The following OR52I2 variants were observed in gnomAD, a reference collection of about 807,000 sequenced individuals.
OR52I2 encodes olfactory receptor 52I2.
For missense variants in OR52I2, 350 were observed against 402.4 expected (o/e 0.87, Z 1.11); for synonymous variants, 147 against 151.9 (o/e 0.97, Z 0.24).
At chr11:4,591,437 C>A (rs961964894) in exon 2 of OR52I2, 1 of 152,118 alleles carries the variant, frequency 6.6e-6, no homozygotes, top group Non-Finnish European at 1.5e-5. Flanking sequence ...AGAAACAGTT[C>A]TTGAGCGATA....
chr11:4,587,546 C>T (rs1049435001), exon 2 of OR52I2: 4 of 1,614,166 alleles, frequency 2.5e-6, no homozygotes, highest in African/African-American at 1.3e-5. Context: ...GCCTTCATTG[C>T]TGCCTCCTAT....
At chr11:4,588,417 A>G (rs1806931968) in exon 2 of OR52I2, 1 of 157,478 alleles carries the variant, frequency 6.4e-6, no homozygotes, top group Non-Finnish European at 1.4e-5. Context: ...GATGATGCTC[A>G]GGCAGAAGAC....
At chr11:4,590,168 ATATT>A (rs1485356902) in exon 2 of OR52I2, 5 of 152,184 alleles carry the variant, frequency 3.3e-5, no homozygotes, top group Non-Finnish European at 1.5e-5. Context: ...CACATAATAA[ATATT>A]TATCAGGCTA....
At chr11:4,587,270 A>G (rs1324944081) in exon 2 of OR52I2, 27 of 1,613,860 alleles carry the variant, frequency 1.7e-5, no homozygotes, top group East Asian at 2.2e-5. Context: ...TTTGACCGCT[A>G]TGTAGCCATC....
At chr11:4,590,593 G>A (rs984496) in exon 2 of OR52I2, 75,868 of 152,036 alleles carry the variant, frequency 0.5, 19,891 homozygotes, top group South Asian at 0.59. Flanking sequence ...GCCTCTTGAA[G>A]AAAGGTGAAT....
chr11:4,585,185 G>A (rs922069551), intron 1 of OR52I2, among the ~76,000 whole-genome samples: 1 of 152,076 alleles, frequency 6.6e-6, no homozygotes, highest in Admixed American at 6.6e-5. Flanking sequence ...AATACTTTTC[G>A]ACTCTTCGCT....
In OR52I2 at chr11:4,587,682, T is replaced by A; in HGVS notation, c.792T>A (p.Tyr264Ter). Reference sequence around the variant, plus strand: ...ATCTACCTGGGATGGCATCCATCTATGCGGCCTGGTTGGGGCAGGATGTAG... The same window carrying A: ...ATCTACCTGGGATGGCATCCATCTAAGCGGCCTGGTTGGGGCAGGATGTAG... The change falls in exon 2 of 2, where the codon TAT becomes TAA. Residue 264 changes from tyrosine (Y) to a stop codon, truncating the protein, a stop_gained. Coordinates refer to ENST00000641896, the Ensembl canonical transcript of OR52I2. LOFTEE classifies it low-confidence loss of function (END_TRUNC). 1 of 1,614,222 alleles carries A rather than the reference T, an allele frequency of 6.2e-7. No individual in the cohort carries two copies. The highest frequency in any genetic ancestry group is 8.5e-7 in the Non-Finnish European group (1 of 1,180,020).
At chr11:4,585,597 G>A (rs1179678722) in intron 1 of OR52I2, among the ~76,000 whole-genome samples, 1 of 152,188 alleles carries the variant, frequency 6.6e-6, no homozygotes, top group Non-Finnish European at 1.5e-5. Context: ...AATAAACAGA[G>A]ATCAACAAGC....
rs1002157434 is a variant in OR52I2 at position 4,586,730 on chromosome 11, C to T, written c.-19-142C>T. Reference sequence around the variant, plus strand: ...AATATTAAGGAGGATAAAAGTGGTACAGGATAATTTTGTCAGATGCCACAT... The same window carrying T: ...AATATTAAGGAGGATAAAAGTGGTATAGGATAATTTTGTCAGATGCCACAT... On this transcript the variant is annotated intron_variant, in intron 1 of 1. Transcript: ENST00000641896. The T allele has an allele frequency of 5.4e-6, 6 of 1,104,132 alleles. No homozygotes were observed. The African/African-American group carries it at 7.8e-5, about 14-fold the overall frequency. 68.4% of individuals were successfully genotyped at this position (1,104,132 alleles called of 1,614,324 possible).
chr11:4,584,153 G>C (rs1199118871), intron 1 of OR52I2, among the ~76,000 whole-genome samples: 1 of 152,188 alleles, frequency 6.6e-6, no homozygotes, highest in African/African-American at 2.4e-5. Flanking sequence ...GGCACAGGAA[G>C]AAATAGACAA....
intron 1 of OR52I2, among the ~76,000 whole-genome samples, chr11:4,584,260 G>A (rs1346833): frequency 0.86 from 130,399 of 152,160 alleles, 57,348 homozygotes; most frequent in East Asian, 1. Context: ...CTACTGTTAC[G>A]TCAACACAAA....
chr11:4,587,245 C>T (rs1484678111), exon 2 of OR52I2: 1 of 1,614,112 alleles, frequency 6.2e-7, no homozygotes, highest in Admixed American at 1.7e-5. Context: ...GACGGGGCTG[C>T]TGCTGACCAT....
exon 2 of OR52I2, chr11:4,589,011 C>T (rs1846330969): frequency 6.6e-6 from 1 of 152,142 alleles, no homozygotes; most frequent in Non-Finnish European, 1.5e-5. Context: ...TGTTTGTTTT[C>T]CTTTCAGGAT....
At chr11:4,582,898 A>G (rs1472766) in intron 1 of OR52I2, among the ~76,000 whole-genome samples, 2 of 152,298 alleles carry the variant, frequency 1.3e-5, no homozygotes, top group Admixed American at 6.5e-5. Flanking sequence ...GAGCAATAGT[A>G]TGTATATCTT....
At chr11:4,582,662 T>A (rs1846267720) in intron 1 of OR52I2, among the ~76,000 whole-genome samples, 1 of 152,006 alleles carries the variant, frequency 6.6e-6, no homozygotes, top group South Asian at 2.1e-4. Context: ...GCTGAACTCC[T>A]GAGCTCAGAC....
At chr11:4,583,271 T>TA (rs369245971) in intron 1 of OR52I2, among the ~76,000 whole-genome samples, 44 of 150,544 alleles carry the variant, frequency 2.9e-4, no homozygotes, top group Middle Eastern at 6.9e-3. Context: ...AATGAAGAAT[T>TA]AAAAAAAAAC....
chr11:4,585,403 G>A (rs374788824), intron 1 of OR52I2, among the ~76,000 whole-genome samples: 15 of 152,268 alleles, frequency 9.9e-5, no homozygotes, highest in South Asian at 4.1e-4. Flanking sequence ...AAATGTGTCC[G>A]TGACCAAACA....
At chr11:4,592,639 A>G (rs1009214233) in exon 2 of OR52I2, 5 of 152,204 alleles carry the variant, frequency 3.3e-5, no homozygotes, top group African/African-American at 9.7e-5. Context: ...ATGGAAACCA[A>G]TCATCCTAAG....
At chr11:4,584,945 A>G (rs1385775930) in intron 1 of OR52I2, among the ~76,000 whole-genome samples, 1 of 152,184 alleles carries the variant, frequency 6.6e-6, no homozygotes, top group African/African-American at 2.4e-5. Context: ...AAACAGTTTC[A>G]TTTTATATTA....
Sources: allele counts gnomAD v4.1 joint callset (sites outside exome capture counted in the v4.1 genomes callset), GRCh38; gene constraint gnomAD v4.1.1; transcripts MANE v1.5; gene names NCBI Gene and HGNC (gene_info 2026-07-23, HGNC 2026-07-21).